CYP27A1: variants seen among roughly 807,000 people sequenced by gnomAD.
CYP27A1 encodes the protein cytochrome P450 family 27 subfamily A member 1.
In CYP27A1, 46 loss-of-function variants were observed where a neutral mutation model predicts 58.2. The observed-to-expected ratio is 0.79, with a 90% confidence interval of 0.62 to 1.01. CYP27A1 has a LOEUF of 1.01. Ranked by LOEUF, CYP27A1 falls within the 50% of genes least tolerant of loss-of-function variation. CYP27A1 has a pLI of 0.00. For missense variants in CYP27A1, 704 were observed against 687.0 expected, an observed-to-expected ratio of 1.02 and a Z score of -0.28; for synonymous variants, 274 against 285.1, an observed-to-expected ratio of 0.96 and a Z score of 0.39.
chr2:218,792,580 A>C (rs988184170), intron 1 of CYP27A1, among the ~76,000 whole-genome samples: 9 of 152,168 alleles, frequency 5.9e-5, no homozygotes, highest in South Asian at 4.1e-4. Flanking sequence ...AAGACATCAT[A>C]TTCTAGGATT....
intron 1 of CYP27A1, among the ~76,000 whole-genome samples, chr2:218,789,763 C>T (rs1943473642): frequency 6.6e-6 from 1 of 152,188 alleles, no homozygotes; most frequent in Non-Finnish European, 1.5e-5. Context: ...AGACTTTACT[C>T]ATTGATGTCA....
chr2:218,783,694 G>A (rs1943416566), intron 1 of CYP27A1, among the ~76,000 whole-genome samples: 1 of 152,152 alleles, frequency 6.6e-6, no homozygotes, highest in Non-Finnish European at 1.5e-5. Flanking sequence ...TCTAAGGTTG[G>A]GGAAGAGGGA....
chr2:218,784,700 T>C (rs1429896836), intron 1 of CYP27A1, among the ~76,000 whole-genome samples: 1 of 152,222 alleles, frequency 6.6e-6, no homozygotes, highest in Admixed American at 6.5e-5. Flanking sequence ...AGCAAGGACT[T>C]AACTTTTAAC....
chr2:218,794,710 G>A (rs1409079082), intron 1 of CYP27A1, among the ~76,000 whole-genome samples: 2 of 152,102 alleles, frequency 1.3e-5, no homozygotes, highest in East Asian at 1.9e-4. Context: ...CATCTGAGGG[G>A]AGTGTCCTGT....
Position 218,812,597 on chromosome 2 carries a change from G to A in CYP27A1, c.692G>A (p.Arg231Gln), listed in dbSNP as rs755452918. ...GAGAAACGCATTGGCTGCCTGCAGC[G>A]ATCCATCCCCGAGGACACCGTGACC... The part of the protein sequence containing the change: ...LFEKRIGCLQ[R>Q]SIPEDTVTFV... Residue 231 changes from arginine to glutamine, a missense_variant, in exon 4 of 9, where the codon CGA becomes CAA. By Grantham distance (43) the Arg-to-Gln change is conservative. Transcript: ENST00000258415. 1.1e-5 allele frequency: 18 copies of A among 1,614,068 alleles called. No individual in the cohort carries two copies. Among genetic ancestry groups the A allele is most frequent in the East Asian group, 4.5e-5 (2 of 44,888 alleles).
chr2:218,810,962 A>G (rs1943707885), intron 2 of CYP27A1, among the ~76,000 whole-genome samples: 1 of 152,128 alleles, frequency 6.6e-6, no homozygotes, highest in Non-Finnish European at 1.5e-5. Context: ...CCTGGCTAAC[A>G]CGGTGAAACC....
At chr2:218,813,327 C>T (rs1943745024) in intron 5 of CYP27A1, among the ~76,000 whole-genome samples, 1 of 152,222 alleles carries the variant, frequency 6.6e-6, no homozygotes, top group Admixed American at 6.5e-5. Context: ...GGAGCCTCCT[C>T]ACTCTCTCTG....
In CYP27A1 at chr2:218,814,556, G is replaced by A. The variant is rs780172950; in HGVS notation, c.1275G>A (p.Val425=). 3.7e-6 allele frequency: 6 copies of A among 1,614,066 alleles called. No homozygotes were observed. The African/African-American group carries it at 5.3e-5, about 14-fold the overall frequency. ...ATCTTCCTTTATAGACCCAGTTTGT[G>A]TTCTGCCACTATGTGGTGTCCCGGG... The part of the protein sequence containing the change: ...GFLFPKNTQF[V]FCHYVVSRDP... The change falls in exon 8 of 9, where the codon GTG becomes GTA. Residue 425 remains valine, a synonymous_variant. Coordinates refer to ENST00000258415, the MANE Select transcript of CYP27A1 (RefSeq NM_000784.4).
intron 5 of CYP27A1, 117 bp downstream of exon 5, chr2:218,813,213 T>G: frequency 2.1e-6 from 2 of 935,472 alleles, no homozygotes. Context: ...TCTTTTTCTG[T>G]AACATGGATA....
chr2:218,791,823 G>C (rs961306055), intron 1 of CYP27A1, among the ~76,000 whole-genome samples: 1 of 152,060 alleles, frequency 6.6e-6, no homozygotes, highest in African/African-American at 2.4e-5. Context: ...TTCTTTTCCT[G>C]GTGAAAATAC....
At chr2:218,797,986 T>C (rs563971490) in intron 1 of CYP27A1, among the ~76,000 whole-genome samples, 18 of 152,308 alleles carry the variant, frequency 1.2e-4, no homozygotes, top group African/African-American at 4.3e-4. Context: ...AGGCAAGAAT[T>C]TACATTTTCA....
At chr2:218,799,622 C>T (rs1248656543) in intron 1 of CYP27A1, among the ~76,000 whole-genome samples, 1 of 152,108 alleles carries the variant, frequency 6.6e-6, no homozygotes, top group Non-Finnish European at 1.5e-5. Flanking sequence ...TCCTTTCTCT[C>T]GGGTAACCTC....
chr2:218,786,413 C>T (rs1943441050), intron 1 of CYP27A1, among the ~76,000 whole-genome samples: 1 of 152,170 alleles, frequency 6.6e-6, no homozygotes, highest in Non-Finnish European at 1.5e-5. Flanking sequence ...TCAAAAACTG[C>T]ATTAGCACAC....
At chr2:218,814,880 C>A in intron 8 of CYP27A1, 31 bp from the exon 9 acceptor site, 1 of 1,614,168 alleles carries the variant, frequency 6.2e-7, no homozygotes, top group East Asian at 2.2e-5. Flanking sequence ...ACACACAATC[C>A]ACCCAACCAC....
chr2:218,811,242 C>T (rs1943712375), intron 2 of CYP27A1, among the ~76,000 whole-genome samples: 1 of 152,228 alleles, frequency 6.6e-6, no homozygotes, highest in African/African-American at 2.4e-5. Flanking sequence ...TGCCCTTCCA[C>T]CCCTATTGCA....
Position 218,803,722 on chromosome 2 carries a change from C to CTTT in CYP27A1, c.256-5829_256-5827dup, listed in dbSNP as rs71040407. Among the ~76,000 whole-genome samples the CTTT allele has an allele frequency of 5.9e-3, 342 of 57,774 alleles. 6 individuals are homozygous for CTTT. The highest frequency in any genetic ancestry group is 7.2e-3 in the Non-Finnish European group (243 of 33,538). The allele number at this position is 57,774 out of a possible 152,430, so 37.9% of individuals were successfully genotyped here. A position where few individuals can be genotyped will look rare whatever the true frequency, so the allele number is the denominator to read the frequency against. ...CAGGTGTGAGCCACCGTGCCCCCGTCTTTTTTTTTTTTTTTTTTTTTTTTT... is the reference window on the plus strand; with the variant it reads ...CAGGTGTGAGCCACCGTGCCCCCGTCTTTTTTTTTTTTTTTTTTTTTTTTTTTT... On this transcript the variant is annotated intron_variant, in intron 1 of 8. Coordinates refer to ENST00000258415, the MANE Select transcript of CYP27A1 (RefSeq NM_000784.4).
At position 218,814,207 on chromosome 2, in the gene CYP27A1, TG is replaced by T. The variant is rs1168265797; in HGVS notation, c.1184+26del. 9.9e-6 allele frequency: 16 copies of T among 1,613,998 alleles called. No homozygotes were observed. Among genetic ancestry groups the T allele is most frequent in the East Asian group, 2.2e-5 (1 of 44,894 alleles). Reference sequence around the variant, plus strand: ...TCTGCGGTAGGACAGAATGCTGTTCTGGGGGGCACAGGATCTCTTTGTGGGG... The same window carrying T: ...TCTGCGGTAGGACAGAATGCTGTTCTGGGGGCACAGGATCTCTTTGTGGGG... On this transcript the variant is annotated intron_variant, in intron 6 of 8. Coordinates refer to ENST00000258415, the MANE Select transcript of CYP27A1 (RefSeq NM_000784.4).
chr2:218,811,231 T>C (rs1204910605), intron 2 of CYP27A1, among the ~76,000 whole-genome samples: 1 of 152,226 alleles, frequency 6.6e-6, no homozygotes, highest in African/African-American at 2.4e-5. Context: ...ATGAAGTCTC[T>C]TGCCCTTCCA....
intron 2 of CYP27A1, among the ~76,000 whole-genome samples, chr2:218,811,516 G>A (rs1052936832): frequency 6.6e-6 from 1 of 152,172 alleles, no homozygotes; most frequent in Non-Finnish European, 1.5e-5. Flanking sequence ...TTCCACCCAC[G>A]TGAGCACCCT....
Sources: gnomAD v4.1 joint callset for allele counts (sites outside exome capture counted in the v4.1 genomes callset) on GRCh38, gnomAD v4.1.1 for gene constraint, MANE v1.5 for transcripts, NCBI Gene and HGNC (gene_info 2026-07-23, HGNC 2026-07-21) for gene names.